The following CCDC77 variants were observed in gnomAD, a reference collection of about 807,000 sequenced individuals.
CCDC77 encodes the protein coiled-coil domain-containing protein 77.
A neutral mutation model predicts 66.8 loss-of-function variants in CCDC77; 56 were observed. That is an observed-to-expected ratio of 0.84 (90% confidence interval 0.68 to 1.05). The LOEUF is 1.05. CCDC77 is among the 50% of genes least tolerant of loss of function. CCDC77 has a pLI of 0.00. For synonymous variants in CCDC77, 196 were observed against 195.2 expected (o/e 1.00, Z -0.03); for missense variants, 570 against 576.8 (o/e 0.99, Z 0.12).
intron 1 of CCDC77, among the ~76,000 whole-genome samples, chr12:396,167 A>G (rs9805067): frequency 0.74 from 112,525 of 151,966 alleles, 41,775 homozygotes; most frequent in East Asian, 0.84. Context: ...CAAGGCGGGC[A>G]GATCACCTGA....
Position 440,776 on chromosome 12 carries a change from G to T in CCDC77, c.1167+34G>T, listed in dbSNP as rs772884797. ...TTATCTGCCACTTGTAATGGAATAG[G>T]AAGTGCAGATGGCTGGGGAAGACGC... On this transcript the variant is annotated intron_variant, in intron 11 of 12. Transcript: ENST00000239830. 1.9e-5 allele frequency: 30 copies of T among 1,613,412 alleles called. No homozygotes were observed. In the South Asian group the frequency reaches 3.3e-4, roughly 18 times the overall value.
At chr12:415,667 C>T (rs774583520) in intron 4 of CCDC77, among the ~76,000 whole-genome samples, 3 of 151,762 alleles carry the variant, frequency 2.0e-5, no homozygotes, top group Admixed American at 6.6e-5. Flanking sequence ...GGGTCTTGCC[C>T]TGTTGCCCAG....
At chr12:418,164 C>CA (rs1945322323) in intron 4 of CCDC77, among the ~76,000 whole-genome samples, 1 of 152,004 alleles carries the variant, frequency 6.6e-6, no homozygotes, top group Admixed American at 6.6e-5. Context: ...ACTAAAAATA[C>CA]AAAAATTAGC....
chr12:435,688 C>T (rs1945737092), intron 9 of CCDC77, among the ~76,000 whole-genome samples: 1 of 152,204 alleles, frequency 6.6e-6, no homozygotes. Flanking sequence ...TCCTTCTAAT[C>T]ATATAACCCG....
At chr12:435,194 A>C (rs1191539307) in intron 9 of CCDC77, among the ~76,000 whole-genome samples, 1 of 142,994 alleles carries the variant, frequency 7.0e-6, no homozygotes, top group Non-Finnish European at 1.5e-5. Context: ...TCTCAAGCCT[A>C]CTTCTTTCTG....
At chr12:409,492 C>G in intron 3 of CCDC77, 71 bp downstream of exon 3, 1 of 1,363,778 alleles carries the variant, frequency 7.3e-7, no homozygotes, top group Admixed American at 1.7e-5. Flanking sequence ...AGCATAGGAA[C>G]TGGAAAGGTA....
chr12:412,898 G>A (rs574277881), intron 4 of CCDC77, among the ~76,000 whole-genome samples: 25 of 151,840 alleles, frequency 1.6e-4, no homozygotes, highest in Admixed American at 7.2e-4. Flanking sequence ...TACTCCATCC[G>A]TATCTATCTC....
intron 10 of CCDC77, among the ~76,000 whole-genome samples, chr12:440,124 G>A (rs1023362723): frequency 2.7e-4 from 41 of 152,202 alleles, no homozygotes; most frequent in African/African-American, 9.9e-4. Context: ...CAGTTGTGGA[G>A]GGCCTTGTGC....
intron 5 of CCDC77, among the ~76,000 whole-genome samples, chr12:424,390 G>T (rs527502322): frequency 1.3e-5 from 2 of 149,942 alleles, no homozygotes; most frequent in Non-Finnish European, 3.0e-5. Context: ...TTTTTTAGGG[G>T]CAGGGTATCA....
At chr12:438,912 CAA>C (rs746794691) in intron 10 of CCDC77, among the ~76,000 whole-genome samples, 10 of 106,362 alleles carry the variant, frequency 9.4e-5, no homozygotes, top group Non-Finnish European at 6.3e-5. Context: ...ACTAAAAATA[CAA>C]AAAAAAAAAA....
intron 8 of CCDC77, 29 bp from the exon 9 acceptor site, chr12:433,145 G>A: frequency 6.3e-7 from 1 of 1,589,458 alleles, no homozygotes; most frequent in South Asian, 1.1e-5. Context: ...AGTAGGGCTG[G>A]ATTCCTCACC....
At chr12:390,809 G>A (rs759316258) in intron 1 of CCDC77, among the ~76,000 whole-genome samples, 2 of 152,028 alleles carry the variant, frequency 1.3e-5, no homozygotes, top group Non-Finnish European at 2.9e-5. Context: ...ATCTAGGGTT[G>A]GAGGGTTCAA....
chr12:419,317 A>G (rs1365130259), intron 5 of CCDC77, among the ~76,000 whole-genome samples: 1 of 152,216 alleles, frequency 6.6e-6, no homozygotes, highest in Non-Finnish European at 1.5e-5. Context: ...AACTTGGGAG[A>G]AGAAGCCCCC....
intron 8 of CCDC77, among the ~76,000 whole-genome samples, chr12:432,792 T>G (rs1812847945): frequency 6.6e-6 from 1 of 152,172 alleles, no homozygotes; most frequent in African/African-American, 2.4e-5. Context: ...ATCCCAGCAT[T>G]TTGGGAGGCC....
chr12:433,156 C>T lies in CCDC77; in HGVS notation c.673-18C>T. On this transcript the variant is annotated intron_variant, in intron 8 of 12. Transcript: ENST00000239830. ...TGGAAGTAGGGCTGGATTCCTCACC[C>T]CTTTTTGGCCTGTCTAGGTGGAAGC... 1 of 1,599,068 alleles carries T rather than the reference C, an allele frequency of 6.3e-7. No individual in the cohort carries two copies. Among genetic ancestry groups the T allele is most frequent in the Non-Finnish European group, 8.5e-7 (1 of 1,172,836 alleles).
At chr12:417,588 A>G (rs1223710341) in intron 4 of CCDC77, among the ~76,000 whole-genome samples, 2 of 152,190 alleles carry the variant, frequency 1.3e-5, no homozygotes, top group Non-Finnish European at 2.9e-5. Flanking sequence ...TGCATGTCAT[A>G]ATAATGCTTA....
chr12:407,270 A>C (rs1480900719), intron 2 of CCDC77, among the ~76,000 whole-genome samples: 1 of 152,242 alleles, frequency 6.6e-6, no homozygotes, highest in South Asian at 2.1e-4. Flanking sequence ...TGTGGCATGT[A>C]AGACAAAGAG....
chr12:402,558 T>C (rs1441677880), intron 1 of CCDC77, among the ~76,000 whole-genome samples: 1 of 152,146 alleles, frequency 6.6e-6, no homozygotes, highest in Non-Finnish European at 1.5e-5. Flanking sequence ...CTGGAAACGG[T>C]ACATTTAGGA....
Position 418,609 on chromosome 12 carries a change from A to G in CCDC77, c.386A>G (p.Tyr129Cys). The change falls in exon 5 of 13, where the codon TAC (tyrosine) becomes TGC (cysteine). Residue 129 changes from tyrosine (Y) to cysteine (C), a missense_variant. Transcript: ENST00000239830. ...GAACGGGAACATGTTTTACGCCTCT[A>G]CTCAGAAAATGACCGACTGAGAATC... is the stretch of plus-strand genomic sequence containing the variant. The part of the protein sequence containing the change: ...FQEREHVLRL[Y>C]SENDRLRIRE... 6.2e-7 allele frequency: 1 copy of G among 1,614,148 alleles called. No individual in the cohort carries two copies.
Sources: allele counts gnomAD v4.1 joint callset (sites outside exome capture counted in the v4.1 genomes callset), GRCh38; gene constraint gnomAD v4.1.1; transcripts MANE v1.5; gene names NCBI Gene and HGNC (gene_info 2026-07-23, HGNC 2026-07-21).